LUC7L2: variants seen among roughly 807,000 people sequenced by gnomAD.
LUC7L2 encodes the protein putative RNA-binding protein Luc7-like 2.
In LUC7L2, 25 loss-of-function variants were observed where a neutral mutation model predicts 52.8. The observed-to-expected ratio is 0.47, with a 90% CI of 0.34 to 0.66. LUC7L2 has a LOEUF of 0.66. LUC7L2 is among the 30% of genes least tolerant of loss of function. LUC7L2 has a pLI of 0.01. For missense variants in LUC7L2, 328 were observed against 497.8 expected, an observed-to-expected ratio of 0.66 and a Z score of 3.25; for synonymous variants, 144 against 160.9, an observed-to-expected ratio of 0.89 and a Z score of 0.80.
intron 2 of LUC7L2, among the ~76,000 whole-genome samples, chr7:139,380,666 A>T (rs919921112): frequency 1.8e-4 from 28 of 152,198 alleles, no homozygotes; most frequent in African/African-American, 5.3e-4. Flanking sequence ...TTCATATTGT[A>T]GTCTCTCTCT....
intron 1 of LUC7L2, among the ~76,000 whole-genome samples, chr7:139,346,668 A>G (rs983177935): frequency 2.0e-5 from 3 of 152,198 alleles, no homozygotes; most frequent in African/African-American, 2.4e-5. Flanking sequence ...AGAGAGTTCT[A>G]ACCTCCCTAG....
chr7:139,343,437 C>CGT lies in LUC7L2; in HGVS notation c.-26+2922_-26+2923dup, dbSNP rs376133060. 1.7e-3 allele frequency among the ~76,000 whole-genome samples: 259 copies of CGT among 152,222 alleles called. 3 individuals carry two copies. Among genetic ancestry groups the CGT allele is most frequent in the African/African-American group, 5.8e-3 (240 of 41,524 alleles). On this transcript the variant is annotated intron_variant, in intron 1 of 10. Coordinates refer to the LUC7L2 transcript ENST00000541170. ...CCAAAAAATTTGAAAATTATCCAGG[C>CGT]GTGATGGCCCATCCTCTAGTTCCAG...
intron 1 of LUC7L2, among the ~76,000 whole-genome samples, chr7:139,364,981 T>G (rs1242426808): frequency 6.6e-6 from 1 of 152,252 alleles, no homozygotes; most frequent in Non-Finnish European, 1.5e-5. Flanking sequence ...CAGACATTTT[T>G]TAAATAATAA....
chr7:139,411,065 A>C (rs887436497), intron 7 of LUC7L2, among the ~76,000 whole-genome samples: 8 of 152,178 alleles, frequency 5.3e-5, no homozygotes, highest in African/African-American at 1.9e-4. Flanking sequence ...TATAAGTGGA[A>C]TTTTCAGTAA....
rs895224502 is a variant in LUC7L2 at position 139,423,383 on chromosome 7, G to A, written c.*1043G>A. The A allele has an allele frequency of 1.8e-5, 7 of 398,808 alleles. No individual in the cohort carries two copies. Among genetic ancestry groups the A allele is most frequent in the East Asian group, 1.4e-4 (4 of 28,078 alleles). The allele number at this position is 398,808 out of a possible 1,614,324, so 24.7% of individuals were successfully genotyped here. A position where few individuals can be genotyped will look rare whatever the true frequency, so the allele number is the denominator to read the frequency against. Reference sequence around the variant, plus strand: ...TAATGACCGTTATAGAGAAGGGCTCGACCTGCAGAAGAAACTGGGGTGTTT... The same window carrying A: ...TAATGACCGTTATAGAGAAGGGCTCAACCTGCAGAAGAAACTGGGGTGTTT... On this transcript the variant is annotated 3_prime_UTR_variant, in exon 10 of 10. Transcript: ENST00000354926.
At chr7:139,343,946 A>AAG (rs1491018096) in intron 1 of LUC7L2, among the ~76,000 whole-genome samples, 4 of 150,566 alleles carry the variant, frequency 2.7e-5, no homozygotes, top group African/African-American at 9.8e-5. Flanking sequence ...AAAAAAAAAA[A>AAG]GAGTTGGTGG....
rs1237296843 is a variant in LUC7L2 at position 139,422,930 on chromosome 7, T to TG, written c.*591dup. ...ATGGTGCCTATTTAGAGTTGGAAGT[T>TG]GAACAGCTGTTGCATTACATACTTT... On this transcript the variant is annotated 3_prime_UTR_variant, in exon 10 of 10. Transcript: ENST00000354926. 5 of 398,914 alleles carry TG rather than the reference T, an allele frequency of 1.3e-5. No homozygotes were observed. The highest frequency in any genetic ancestry group is 4.4e-6 in the Non-Finnish European group (1 of 226,072). 24.7% of individuals were successfully genotyped at this position (398,914 alleles called of 1,614,324 possible).
chr7:139,359,900 G>A lies in LUC7L2; in HGVS notation c.-362G>A, dbSNP rs1437717549. The A allele has an allele frequency of 2.9e-5, 12 of 416,024 alleles. No homozygotes were observed. The highest frequency in any genetic ancestry group is 1.3e-4 in the Admixed American group (3 of 22,772). 25.8% of individuals were successfully genotyped at this position (416,024 alleles called of 1,614,324 possible). A position where few individuals can be genotyped will look rare whatever the true frequency, so the allele number is the denominator to read the frequency against. On this transcript the variant is annotated 5_prime_UTR_variant, in exon 1 of 10. Coordinates refer to ENST00000354926, the MANE Select transcript of LUC7L2 (RefSeq NM_016019.5). ...GAGCGCGAGGAGCGTGCGCGCTCCC[G>A]TCGTGGCGACGGTGGCGGCGAGCGG...
At chr7:139,398,796 A>G (rs1362658463) in intron 3 of LUC7L2, 99 bp downstream of exon 3, 5 of 1,094,772 alleles carry the variant, frequency 4.6e-6, no homozygotes, top group Non-Finnish European at 3.8e-6. Context: ...TTAGCAGTTT[A>G]TCCTCTGGTT....
intron 7 of LUC7L2, among the ~76,000 whole-genome samples, chr7:139,410,051 C>G (rs1382533833): frequency 6.6e-6 from 1 of 151,956 alleles, no homozygotes; most frequent in Non-Finnish European, 1.5e-5. Context: ...ACTAAAAATA[C>G]AAAAAATTAG....
At chr7:139,407,000 GGTTTT>G (rs1387932364) in intron 5 of LUC7L2, among the ~76,000 whole-genome samples, 169 bp from the exon 6 acceptor site, 2 of 111,612 alleles carry the variant, frequency 1.8e-5, no homozygotes, top group Non-Finnish European at 3.4e-5. Context: ...ATGCTTTTGT[GGTTTT>G]TTTTTTTTTT....
At chr7:139,353,885 C>G (rs1050637037) in intron 1 of LUC7L2, among the ~76,000 whole-genome samples, 1 of 152,022 alleles carries the variant, frequency 6.6e-6, no homozygotes, top group Non-Finnish European at 1.5e-5. Context: ...GAGGTCGAGG[C>G]AGGCGGATTG....
At chr7:139,411,954 C>T (rs1795378619) in intron 7 of LUC7L2, among the ~76,000 whole-genome samples, 2 of 151,984 alleles carry the variant, frequency 1.3e-5, no homozygotes, top group South Asian at 4.1e-4. Flanking sequence ...TTGAGCATCC[C>T]AAATCCAAAA....
upstream of LUC7L2, among the ~76,000 whole-genome samples, chr7:139,355,869 C>T (rs1799590110): frequency 6.6e-6 from 1 of 151,986 alleles, no homozygotes; most frequent in African/African-American, 2.4e-5. Context: ...AATGGATTCT[C>T]AATGAACGAA....
chr7:139,364,899 T>C (rs1000756214), intron 1 of LUC7L2, among the ~76,000 whole-genome samples: 1 of 152,264 alleles, frequency 6.6e-6, no homozygotes, highest in Non-Finnish European at 1.5e-5. Flanking sequence ...TCTTGGTCAG[T>C]TGTGAGCCAT....
intron 1 of LUC7L2, 101 bp downstream of exon 1, chr7:139,360,423 G>T: frequency 1.6e-5 from 18 of 1,102,378 alleles, no homozygotes; most frequent in Non-Finnish European, 2.3e-5. Flanking sequence ...GGCTGAGTAA[G>T]GGGCTCCCAG....
At position 139,422,788 on chromosome 7, in the gene LUC7L2, A is replaced by G. The variant is rs1204934030; in HGVS notation, c.*448A>G. 1 of 399,550 alleles carries G rather than the reference A, an allele frequency of 2.5e-6. No homozygotes were observed. Among genetic ancestry groups the G allele is most frequent in the African/African-American group, 2.1e-5 (1 of 48,572 alleles). The allele number at this position is 399,550 out of a possible 1,614,324, so 24.8% of individuals were successfully genotyped here. Reference sequence around the variant, plus strand: ...GTAAGAGAAAGGGGGCAGGGAAGCAATATAGCTTCCATTCTAAGGCTGTAT... The same window carrying G: ...GTAAGAGAAAGGGGGCAGGGAAGCAGTATAGCTTCCATTCTAAGGCTGTAT... On this transcript the variant is annotated 3_prime_UTR_variant, in exon 10 of 10. Coordinates refer to ENST00000354926, the MANE Select transcript of LUC7L2 (RefSeq NM_016019.5).
chr7:139,392,381 T>G (rs1794480812), intron 2 of LUC7L2: 1 of 365,084 alleles, frequency 2.7e-6, no homozygotes, highest in East Asian at 8.6e-5. Flanking sequence ...TTTTGGAATT[T>G]CAAAAGAAAA....
chr7:139,374,264 C>A, intron 1 of LUC7L2: 1 of 643,584 alleles, frequency 1.6e-6, no homozygotes, highest in South Asian at 2.2e-5. Context: ...AATGAAACAC[C>A]CTGATTTTGT....
Sources: gnomAD v4.1 joint callset for allele counts (sites outside exome capture counted in the v4.1 genomes callset) on GRCh38, gnomAD v4.1.1 for gene constraint, MANE v1.5 for transcripts, NCBI Gene and HGNC (gene_info 2026-07-23, HGNC 2026-07-21) for gene names.